RANBP17: variants seen among roughly 807,000 people sequenced by gnomAD.
The protein encoded by RANBP17 is ran-binding protein 17.
RANBP17 carries 158 observed loss-of-function variants against 141.2 expected under a neutral mutation model. That is an observed-to-expected ratio of 1.12 (90% confidence interval 0.98 to 1.28). RANBP17 has a LOEUF of 1.28. RANBP17 is among the 50% of genes most tolerant of loss of function. The probability of loss-of-function intolerance (pLI) is 0.00; values close to 1 mark genes in which losing one functional copy is unlikely to be tolerated. For missense variants in RANBP17, 1,438 were observed against 1,290.7 expected (o/e 1.11, Z -1.75); for synonymous variants, 430 against 450.0 (o/e 0.96, Z 0.56).
intron 14 of RANBP17, among the ~76,000 whole-genome samples, chr5:171,133,778 T>C (rs1757088010): frequency 6.6e-6 from 1 of 152,212 alleles, no homozygotes; most frequent in Admixed American, 6.5e-5. Flanking sequence ...TTCCCAAACA[T>C]TGGAGTAGGA....
chr5:171,268,530 C>T (rs1271376378), intron 25 of RANBP17, among the ~76,000 whole-genome samples: 1 of 152,052 alleles, frequency 6.6e-6, no homozygotes, highest in Non-Finnish European at 1.5e-5. Flanking sequence ...AAAATGTCAG[C>T]GCGTCTCTCC....
chr5:171,270,161 T>A (rs1270480492), intron 25 of RANBP17, among the ~76,000 whole-genome samples: 2 of 152,208 alleles, frequency 1.3e-5, no homozygotes, highest in African/African-American at 4.8e-5. Flanking sequence ...ATATTTTATG[T>A]GCCTCCCACC....
chr5:171,175,992 G>A (rs991279367), intron 16 of RANBP17, among the ~76,000 whole-genome samples: 4 of 151,972 alleles, frequency 2.6e-5, no homozygotes, highest in Admixed American at 2.0e-4. Flanking sequence ...CCATGAAGAG[G>A]CTCTTCTAGG....
chr5:171,042,818 C>T (rs140861741), intron 14 of RANBP17, among the ~76,000 whole-genome samples: 5 of 152,170 alleles, frequency 3.3e-5, no homozygotes, highest in East Asian at 3.9e-4. Context: ...ATCAGGTTTA[C>T]GGATAGGCTC....
At chr5:171,264,390 T>C (rs1407188521) in intron 24 of RANBP17, among the ~76,000 whole-genome samples, 2 of 151,962 alleles carry the variant, frequency 1.3e-5, no homozygotes, top group African/African-American at 2.4e-5. Context: ...CCAAAAATTA[T>C]TGGAAAAAAA....
At chr5:170,874,552 T>A (rs902883751) in intron 1 of RANBP17, among the ~76,000 whole-genome samples, 1 of 152,206 alleles carries the variant, frequency 6.6e-6, no homozygotes, top group African/African-American at 2.4e-5. Flanking sequence ...GCTCATTATG[T>A]TGAATTGTTC....
intron 14 of RANBP17, among the ~76,000 whole-genome samples, chr5:171,160,834 C>A (rs1759296686): frequency 2.0e-5 from 3 of 152,018 alleles, no homozygotes; most frequent in Non-Finnish European, 2.9e-5. Flanking sequence ...CTCTTGTCGC[C>A]CAGGCTAGAA....
chr5:171,035,364 TAAC>T (rs1781803576), intron 14 of RANBP17, among the ~76,000 whole-genome samples: 1 of 152,184 alleles, frequency 6.6e-6, no homozygotes, highest in Non-Finnish European at 1.5e-5. Flanking sequence ...ATGAATTTAA[TAAC>T]ATTAAAGTCT....
chr5:171,277,655 A>G lies in RANBP17; in HGVS notation c.2943+11808A>G, dbSNP rs1481200659. Among the ~76,000 whole-genome samples, 45 of 132,002 alleles carry G rather than the reference A, an allele frequency of 3.4e-4. 3 individuals carry two copies. The highest frequency in any genetic ancestry group is 1.4e-3 in the East Asian group (6 of 4,226). The allele number at this position is 132,002 out of a possible 152,430, so 86.6% of individuals were successfully genotyped here. ...TATGTATGTATATATATATATATAT[A>G]TATATATATATATTTATGTCTTACA... On this transcript the variant is annotated intron_variant, in intron 25 of 27. Transcript: ENST00000523189.
intron 13 of RANBP17, among the ~76,000 whole-genome samples, chr5:170,967,327 A>G (rs1178809719): frequency 1.3e-5 from 2 of 152,146 alleles, no homozygotes; most frequent in East Asian, 3.8e-4. Flanking sequence ...GTGTGCATAT[A>G]TGGAAGAAAC....
At chr5:171,066,233 C>T (rs947552027) in intron 14 of RANBP17, among the ~76,000 whole-genome samples, 2 of 152,110 alleles carry the variant, frequency 1.3e-5, no homozygotes, top group African/African-American at 4.8e-5. Flanking sequence ...GGTTATTAAT[C>T]ATAGTTACCA....
At chr5:170,942,746 G>A (rs13172619) in intron 12 of RANBP17, among the ~76,000 whole-genome samples, 97,542 of 151,968 alleles carry the variant, frequency 0.64, 32,029 homozygotes, top group South Asian at 0.9. Context: ...CTTCATATGC[G>A]TTACATATAT....
chr5:170,881,472 A>C (rs1238530497), intron 2 of RANBP17, among the ~76,000 whole-genome samples: 1 of 152,218 alleles, frequency 6.6e-6, no homozygotes, highest in African/African-American at 2.4e-5. Flanking sequence ...GAATTTGAAG[A>C]GATAATCAGA....
intron 14 of RANBP17, among the ~76,000 whole-genome samples, chr5:170,975,283 C>A (rs1226036335): frequency 6.6e-6 from 1 of 152,150 alleles, no homozygotes; most frequent in Non-Finnish European, 1.5e-5. Flanking sequence ...AATCCCAGCA[C>A]TTTGGGAGGC....
At chr5:171,114,088 A>C (rs1030535188) in intron 14 of RANBP17, among the ~76,000 whole-genome samples, 2 of 152,140 alleles carry the variant, frequency 1.3e-5, no homozygotes, top group Non-Finnish European at 2.9e-5. Flanking sequence ...AATTTCTAAT[A>C]TGGTAAATAT....
intron 14 of RANBP17, among the ~76,000 whole-genome samples, chr5:171,087,319 G>T (rs1172556137): frequency 2.0e-5 from 3 of 151,968 alleles, no homozygotes; most frequent in Non-Finnish European, 4.4e-5. Context: ...TTGCACTGTG[G>T]TCTGAGAGAT....
At chr5:171,063,446 G>T (rs1784059363) in intron 14 of RANBP17, among the ~76,000 whole-genome samples, 1 of 152,230 alleles carries the variant, frequency 6.6e-6, no homozygotes, top group Non-Finnish European at 1.5e-5. Flanking sequence ...GCTTGCCTGG[G>T]TATCAGCAGC....
At chr5:171,219,178 G>A (rs1763406727) in intron 21 of RANBP17, among the ~76,000 whole-genome samples, 1 of 152,124 alleles carries the variant, frequency 6.6e-6, no homozygotes, top group Admixed American at 6.5e-5. Context: ...ATGAAATTCT[G>A]GGTTGAGAAT....
intron 25 of RANBP17, among the ~76,000 whole-genome samples, chr5:171,286,224 A>G (rs966394225): frequency 6.6e-6 from 1 of 152,158 alleles, no homozygotes; most frequent in African/African-American, 2.4e-5. Context: ...TATGACCAAA[A>G]CCAGCTGAGT....
Sources: allele counts gnomAD v4.1 joint callset (sites outside exome capture counted in the v4.1 genomes callset), GRCh38; gene constraint gnomAD v4.1.1; transcripts MANE v1.5; gene names NCBI Gene and HGNC (gene_info 2026-07-23, HGNC 2026-07-21).